The following RUBCNL variants were observed in gnomAD, a reference collection of about 807,000 sequenced individuals.
The protein encoded by RUBCNL is rubicon like autophagy enhancer, also known as protein associated with UVRAG as autophagy enhancer.
In RUBCNL, 62 loss-of-function variants were observed where a neutral mutation model predicts 69.5. The ratio of observed to expected loss-of-function variants is 0.89; its 90% CI spans 0.73 to 1.10. The LOEUF (loss-of-function observed/expected upper bound fraction) is 1.10, where lower values mean the gene tolerates loss of function less well. Among genes scored for constraint, RUBCNL ranks in the 50% least tolerant of loss-of-function variants. The probability of loss-of-function intolerance (pLI) is 0.00; values close to 1 mark genes in which losing one functional copy is unlikely to be tolerated. For synonymous variants in RUBCNL, 291 were observed against 303.6 expected (o/e 0.96, Z 0.43); for missense variants, 768 against 798.1 (o/e 0.96, Z 0.45).
chr13:46,341,377 G>A lies in RUBCNL; in HGVS notation c.*2008C>T, dbSNP rs1382954967. ...CTTCCTTATGGGGTGCTCCATGTGG[G>A]CTGAAGATCACTTCCCTAACAGGTG... On this transcript the variant is annotated 3_prime_UTR_variant, in exon 15 of 15. Coordinates refer to ENST00000429979, the MANE Select transcript of RUBCNL (RefSeq NM_025113.5). 6.6e-6 allele frequency among the ~76,000 whole-genome samples: 1 copy of A among 152,156 alleles called. No individual in the cohort carries two copies. Among genetic ancestry groups the A allele is most frequent in the Non-Finnish European group, 1.5e-5 (1 of 68,024 alleles).
intron 1 of RUBCNL, among the ~76,000 whole-genome samples, chr13:46,379,471 C>T (rs909407439): frequency 6.6e-6 from 1 of 152,166 alleles, no homozygotes; most frequent in East Asian, 1.9e-4. Flanking sequence ...ATATTCTTTG[C>T]ACTTATGAAT....
In RUBCNL at chr13:46,377,895, G is replaced by A; in HGVS notation, c.-128C>T. 6.3e-7 allele frequency: 1 copy of A among 1,597,296 alleles called. No homozygotes were observed. The highest frequency in any genetic ancestry group is 1.3e-5 in the African/African-American group (1 of 74,782). On this transcript the variant is annotated 5_prime_UTR_variant, in exon 2 of 15. Transcript: ENST00000429979. ...AGGCCAGGTCGGACACTCACCAGGA[G>A]TATGAATTTCTCGAAGAGGCAGATT...
Position 46,340,653 on chromosome 13 carries a change from A to G in RUBCNL, c.*2732T>C, listed in dbSNP as rs923016419. ...TGCGGGCTGTACAAGCATCGCACCAATATCTGCTTCTGGTTAGGACTTGTG... is the reference window on the plus strand; with the variant it reads ...TGCGGGCTGTACAAGCATCGCACCAGTATCTGCTTCTGGTTAGGACTTGTG... On this transcript the variant is annotated 3_prime_UTR_variant, in exon 15 of 15. Coordinates refer to ENST00000429979, the MANE Select transcript of RUBCNL (RefSeq NM_025113.5). 2.2e-4 allele frequency among the ~76,000 whole-genome samples: 33 copies of G among 152,156 alleles called. No individual in the cohort carries two copies. The highest frequency in any genetic ancestry group is 4.1e-4 in the Non-Finnish European group (28 of 68,028).
At chr13:46,371,615 C>A (rs1051817539) in intron 3 of RUBCNL, among the ~76,000 whole-genome samples, 2 of 152,208 alleles carry the variant, frequency 1.3e-5, no homozygotes, top group African/African-American at 4.8e-5. Context: ...CTCCAACCTC[C>A]ACACTGACTT....
intron 14 of RUBCNL, 78 bp from the exon 15 acceptor site, chr13:46,343,575 T>C: frequency 7.0e-7 from 1 of 1,423,944 alleles, no homozygotes; most frequent in Non-Finnish European, 9.6e-7. Flanking sequence ...GTCTCCATCC[T>C]AGGGAGGGAG....
In RUBCNL at chr13:46,338,971, G is replaced by A. The variant is rs138179590; in HGVS notation, c.*4414C>T. ...CTGAGGCAGGAAAATCGCTTGAACC[G>A]GGAAGCAGAGGCTGCAGTGAACTGA... is the stretch of plus-strand genomic sequence containing the variant. On this transcript the variant is annotated 3_prime_UTR_variant, in exon 15 of 15. Coordinates refer to ENST00000429979, the MANE Select transcript of RUBCNL (RefSeq NM_025113.5). Among the ~76,000 whole-genome samples the A allele has an allele frequency of 7.0e-4, 106 of 151,918 alleles. No homozygotes were observed. The highest frequency in any genetic ancestry group is 2.4e-3 in the African/African-American group (98 of 41,402).
At position 46,345,541 on chromosome 13, in the gene RUBCNL, G is replaced by C; in HGVS notation, c.1691C>G (p.Ser564Cys). 6.2e-7 allele frequency: 1 copy of C among 1,613,322 alleles called. No individual in the cohort carries two copies. Among genetic ancestry groups the C allele is most frequent in the Non-Finnish European group, 8.5e-7 (1 of 1,179,650 alleles). Residue 564 changes from serine (S) to cysteine (C), a missense_variant, in exon 13 of 15, where the codon TCC becomes TGC. Coordinates refer to ENST00000429979, the MANE Select transcript of RUBCNL (RefSeq NM_025113.5). The part of the protein sequence containing the change: ...GHLTDELHLF[S>C]LEDLVRIKKG... ...CTTGATCCTGACCAGGTCCTCAAGG[G>C]AGAACAGGTGGAGCTCATCAGTCAA...
At chr13:46,356,753 G>C (rs2048494344) in intron 9 of RUBCNL, among the ~76,000 whole-genome samples, 1 of 151,826 alleles carries the variant, frequency 6.6e-6, no homozygotes, top group Non-Finnish European at 1.5e-5. Context: ...ACGCAGGCTG[G>C]AGGGCACTGG....
At chr13:46,388,339 G>A (rs943552299), upstream of RUBCNL, among the ~76,000 whole-genome samples, 2 of 144,346 alleles carry the variant, frequency 1.4e-5, no homozygotes, top group Admixed American at 6.9e-5. Context: ...CCTAAGCCAA[G>A]GAAGGAAGGA....
chr13:46,388,221 CAGAA>C (rs1329402033), upstream of RUBCNL, among the ~76,000 whole-genome samples: 23 of 44,538 alleles, frequency 5.2e-4, no homozygotes, highest in East Asian at 0.013. Context: ...AAAAAAAAAA[CAGAA>C]AGGAGAAGAA....
Position 46,368,094 on chromosome 13 carries a change from G to T in RUBCNL, c.774C>A (p.Thr258=). The change falls in exon 5 of 15, where the codon ACC becomes ACA. Residue 258 remains threonine, a synonymous_variant. Coordinates refer to ENST00000429979, the MANE Select transcript of RUBCNL (RefSeq NM_025113.5). ...AAGACCCAGACTCTTGCTTTATGTT[G>T]GTATCAAAAGTCATTTCAGAGTCAG... ...DQPDSEMTFD[T]NIKQESGSST... 6.2e-7 allele frequency: 1 copy of T among 1,613,822 alleles called. No homozygotes were observed. Among genetic ancestry groups the T allele is most frequent in the African/African-American group, 1.3e-5 (1 of 74,968 alleles).
intron 3 of RUBCNL, among the ~76,000 whole-genome samples, 180 bp downstream of exon 3, chr13:46,371,761 T>C (rs540963142): frequency 6.6e-6 from 1 of 152,324 alleles, no homozygotes; most frequent in East Asian, 1.9e-4. Flanking sequence ...TTCTCTGCAG[T>C]CTAAGGAGAA....
intron 5 of RUBCNL, among the ~76,000 whole-genome samples, chr13:46,365,980 C>A (rs1231093633): frequency 6.6e-6 from 1 of 152,028 alleles, no homozygotes; most frequent in African/African-American, 2.4e-5. Context: ...CTGCAGCGGG[C>A]CAGGTAAGGG....
chr13:46,349,444 G>T, intron 11 of RUBCNL, 97 bp from the exon 12 acceptor site: 5 of 1,178,598 alleles, frequency 4.2e-6, no homozygotes, highest in Non-Finnish European at 6.2e-6. Context: ...AGCTTGAAAT[G>T]CTGCACTTGT....
chr13:46,381,637 T>C (rs2209570), intron 1 of RUBCNL, among the ~76,000 whole-genome samples: 60,315 of 152,066 alleles, frequency 0.4, 12,630 homozygotes, highest in East Asian at 0.59. Flanking sequence ...GGCTGGAGCG[T>C]AATGGTGCGA....
intron 9 of RUBCNL, among the ~76,000 whole-genome samples, chr13:46,358,441 T>C (rs1317833316): frequency 6.6e-6 from 1 of 152,254 alleles, no homozygotes; most frequent in Non-Finnish European, 1.5e-5. Context: ...AATTAAACTA[T>C]TACTTTAAAT....
In RUBCNL at chr13:46,342,922, G is replaced by A. The variant is rs1484253234; in HGVS notation, c.*463C>T. 6.4e-6 allele frequency: 1 copy of A among 156,614 alleles called. No individual in the cohort carries two copies. The highest frequency in any genetic ancestry group is 2.4e-5 in the African/African-American group (1 of 41,584). The allele number at this position is 156,614 out of a possible 1,614,324, so 9.7% of individuals were successfully genotyped here. A position where few individuals can be genotyped will look rare whatever the true frequency, so the allele number is the denominator to read the frequency against. ...CACAATCACAAAATGGCATTTAAGT[G>A]GAAGTCTGCTTCCTGAAGAAATAAA... On this transcript the variant is annotated 3_prime_UTR_variant, in exon 15 of 15. Transcript: ENST00000429979.
Position 46,363,138 on chromosome 13 carries a change from T to C in RUBCNL, c.902A>G (p.Asp301Gly). Residue 301 changes from aspartate (D) to glycine (G), a missense_variant, in exon 6 of 15, where the codon GAT (aspartate) becomes GGT (glycine). By Grantham distance (94) the Asp-to-Gly change is moderately conservative (BLOSUM62 -1). Transcript: ENST00000429979. ...YHDVKEICKC[D>G]VDEFVILELG... Reference sequence around the variant, plus strand: ...ACCTAAAATAACAAATTCATCAACATCGCATTTGCAAATCTCTTTCACATC... The same window carrying C: ...ACCTAAAATAACAAATTCATCAACACCGCATTTGCAAATCTCTTTCACATC... 2 of 1,599,882 alleles carry C rather than the reference T, an allele frequency of 1.3e-6. No homozygotes were observed. The highest frequency in any genetic ancestry group is 1.7e-6 in the Non-Finnish European group (2 of 1,172,978).
At chr13:46,345,735 G>T in intron 12 of RUBCNL, 135 bp from the exon 13 acceptor site, 1 of 828,298 alleles carries the variant, frequency 1.2e-6, no homozygotes, top group Non-Finnish European at 1.8e-6. Context: ...ATAGCTCCAA[G>T]AACAACAGTG....
Sources: gnomAD v4.1 joint callset for allele counts (sites outside exome capture counted in the v4.1 genomes callset) on GRCh38, gnomAD v4.1.1 for gene constraint, MANE v1.5 for transcripts, NCBI Gene and HGNC (gene_info 2026-07-23, HGNC 2026-07-21) for gene names.